FREM1: variants seen among roughly 807,000 people sequenced by gnomAD.
FREM1 encodes the protein FRAS1 related extracellular matrix 1.
FREM1 carries 220 observed loss-of-function variants against 210.1 expected under a neutral mutation model. The ratio of observed to expected loss-of-function variants is 1.05; its 90% CI spans 0.94 to 1.17. The LOEUF is 1.17. FREM1 is among the 50% of genes most tolerant of loss of function. The pLI, the probability that FREM1 is intolerant of heterozygous loss-of-function variation, is 0.00. For synonymous variants in FREM1, 1,189 were observed against 980.2 expected, an observed-to-expected ratio of 1.21 and a Z score of -3.98; for missense variants, 3,454 against 2,675.5, an observed-to-expected ratio of 1.29 and a Z score of -6.42.
chr9:14,886,384 CAAAAAAA>C lies in FREM1; in HGVS notation c.-267-17147_-267-17141del, dbSNP rs60702421. Among the ~76,000 whole-genome samples, 227 of 59,812 alleles carry C rather than the reference CAAAAAAA, an allele frequency of 3.8e-3. 1 individual carries two copies. Among genetic ancestry groups the C allele is most frequent in the Admixed American group, 0.014 (52 of 3,744 alleles). The allele number at this position is 59,812 out of a possible 152,430, so 39.2% of individuals were successfully genotyped here. On this transcript the variant is annotated intron_variant, in intron 1 of 36. Transcript: ENST00000380880. ...CTGGTGACAGAGTGAGACTCCGACT[CAAAAAAA>C]AAAAAAAAAAAAAAAAAGGAAAAAG...
chr9:14,782,086 G>A (rs898337492), intron 24 of FREM1, among the ~76,000 whole-genome samples: 1 of 152,196 alleles, frequency 6.6e-6, no homozygotes, highest in Non-Finnish European at 1.5e-5. Context: ...AGTCCTGACT[G>A]CATCAGAATT....
intron 25 of FREM1, 25 bp from the exon 26 acceptor site, chr9:14,770,831 A>G: frequency 6.4e-7 from 1 of 1,571,966 alleles, no homozygotes. Context: ...ATGACATAAA[A>G]TGTTGTCCAA....
intron 2 of FREM1, among the ~76,000 whole-genome samples, chr9:14,867,452 T>C (rs1466785178): frequency 1.3e-5 from 2 of 152,202 alleles, no homozygotes; most frequent in South Asian, 4.1e-4. Context: ...TAAAGCTCTT[T>C]GACTGACGAT....
intron 30 of FREM1, 51 bp downstream of exon 30, chr9:14,750,076 G>A (rs1453023628): frequency 6.3e-7 from 1 of 1,588,292 alleles, no homozygotes; most frequent in African/African-American, 1.4e-5. Flanking sequence ...GAAGGCAAGA[G>A]CTACAGCGCC....
At chr9:14,769,461 A>G (rs903661027) in intron 27 of FREM1, among the ~76,000 whole-genome samples, 4 of 152,172 alleles carry the variant, frequency 2.6e-5, no homozygotes, top group Admixed American at 1.3e-4. Context: ...CCCTGTGTAT[A>G]AAAGTGTGTA....
chr9:14,752,350 A>C (rs1226847302), intron 29 of FREM1, among the ~76,000 whole-genome samples: 1 of 152,172 alleles, frequency 6.6e-6, no homozygotes, highest in Admixed American at 6.5e-5. Context: ...AGCAAAGCAG[A>C]GGTCTTGACT....
chr9:14,861,104 T>C (rs1830279823), intron 3 of FREM1, among the ~76,000 whole-genome samples: 1 of 109,602 alleles, frequency 9.1e-6, no homozygotes, highest in African/African-American at 4.9e-5. Flanking sequence ...TATAAACATA[T>C]ATACACATAT....
chr9:14,833,826 C>A (rs1267457012), intron 10 of FREM1, among the ~76,000 whole-genome samples: 1 of 152,098 alleles, frequency 6.6e-6, no homozygotes, highest in East Asian at 1.9e-4. Flanking sequence ...TATTTTTCTC[C>A]ATTTTTTGTC....
chr9:14,792,854 T>C lies in FREM1; in HGVS notation c.3870A>G (p.Glu1290=). 1 of 1,588,376 alleles carries C rather than the reference T, an allele frequency of 6.3e-7. No homozygotes were observed. Among genetic ancestry groups the C allele is most frequent in the Non-Finnish European group, 8.6e-7 (1 of 1,166,152 alleles). The change falls in exon 22 of 37, where the codon GAA becomes GAG. Residue 1290 remains glutamate (E), a synonymous_variant. Coordinates refer to ENST00000380880, the MANE Select transcript of FREM1 (RefSeq NM_001379081.2). ...GAATAGCACTGGAAATAATACGAGT[T>C]TCACCCATATTCATTGCAATTTCAG... ...KKAEIAMNMG[E]TRIISSAILS... is the part of the protein sequence containing the mutation.
At chr9:14,906,395 C>A (rs1196597655) in intron 1 of FREM1, among the ~76,000 whole-genome samples, 2 of 152,108 alleles carry the variant, frequency 1.3e-5, no homozygotes, top group African/African-American at 4.8e-5. Context: ...TAATATAGAA[C>A]CATCCTACCA....
intron 15 of FREM1, among the ~76,000 whole-genome samples, chr9:14,815,621 G>A (rs1437771196): frequency 6.6e-6 from 1 of 152,036 alleles, no homozygotes; most frequent in African/African-American, 2.4e-5. Context: ...GAAATTCAGG[G>A]GGTTCCTGTA....
chr9:14,852,976 T>G (rs1448717427), intron 5 of FREM1, among the ~76,000 whole-genome samples: 1 of 152,206 alleles, frequency 6.6e-6, no homozygotes, highest in African/African-American at 2.4e-5. Context: ...CTTGCCCATA[T>G]AAGAATATAA....
intron 10 of FREM1, among the ~76,000 whole-genome samples, chr9:14,831,687 C>A (rs1043819796): frequency 2.0e-5 from 3 of 152,236 alleles, no homozygotes; most frequent in Non-Finnish European, 4.4e-5. Context: ...TGCTCCCTCC[C>A]TTAAAGGGGC....
Position 14,842,718 on chromosome 9 carries a change from G to A in FREM1, c.1394-58C>T, listed in dbSNP as rs1325449415. 7 of 1,276,566 alleles carry A rather than the reference G, an allele frequency of 5.5e-6. 1 individual carries two copies. The highest frequency in any genetic ancestry group is 1.5e-5 in the African/African-American group (1 of 68,558). The allele number at this position is 1,276,566 out of a possible 1,614,324, so 79.1% of individuals were successfully genotyped here. ...GCAAGGGAGTGCAGAAGCAGCAGCT[G>A]TGGGGAAAGCATCAATACAGTAGAG... On this transcript the variant is annotated intron_variant, in intron 8 of 36. Transcript: ENST00000380880.
chr9:14,758,509 G>C (rs1844834030), intron 28 of FREM1, among the ~76,000 whole-genome samples: 1 of 152,078 alleles, frequency 6.6e-6, no homozygotes, highest in Non-Finnish European at 1.5e-5. Flanking sequence ...AACAGATCTA[G>C]GAAAAAGGAC....
At chr9:14,834,149 G>C (rs930830073) in intron 10 of FREM1, among the ~76,000 whole-genome samples, 2 of 152,182 alleles carry the variant, frequency 1.3e-5, no homozygotes, top group Admixed American at 6.5e-5. Context: ...GCTAATAGTA[G>C]TTATAAATCA....
chr9:14,819,180 G>T, intron 14 of FREM1, 54 bp downstream of exon 14: 2 of 1,297,380 alleles, frequency 1.5e-6, no homozygotes, highest in South Asian at 3.0e-5. Context: ...CCTCACAACT[G>T]ATCTAGATAA....
At chr9:14,869,661 C>T (rs752509177) in intron 1 of FREM1, among the ~76,000 whole-genome samples, 29 of 152,150 alleles carry the variant, frequency 1.9e-4, no homozygotes, top group Non-Finnish European at 2.8e-4. Flanking sequence ...ATTATTAACA[C>T]ATTGTTTGAA....
chr9:14,824,827 T>C lies in FREM1; in HGVS notation c.2047A>G (p.Thr683Ala). ...SYDRELVYTI[T>A]TPPFFSFSHR... Reference sequence around the variant, plus strand: ...CTGAAGGAGAAAAATGGAGGAGTAGTTATTGTGTAGACCAGCTCCCTGTCA... The same window carrying C: ...CTGAAGGAGAAAAATGGAGGAGTAGCTATTGTGTAGACCAGCTCCCTGTCA... Residue 683 changes from threonine to alanine, a missense_variant, in exon 11 of 37, where the codon ACT (threonine) becomes GCT (alanine). Transcript: ENST00000380880. 1 of 1,612,726 alleles carries C rather than the reference T, an allele frequency of 6.2e-7. No homozygotes were observed. The highest frequency in any genetic ancestry group is 1.1e-5 in the South Asian group (1 of 90,748).
Sources: allele counts gnomAD v4.1 joint callset (sites outside exome capture counted in the v4.1 genomes callset), GRCh38; gene constraint gnomAD v4.1.1; transcripts MANE v1.5; gene names NCBI Gene and HGNC (gene_info 2026-07-23, HGNC 2026-07-21).